The following CDK14 variants were observed in gnomAD, a reference collection of about 807,000 sequenced individuals.
CDK14 encodes cyclin dependent kinase 14.
Under a neutral mutation model 60.7 loss-of-function variants are expected in CDK14, and 34 were observed. The ratio of observed to expected loss-of-function variants is 0.56; its 90% CI spans 0.43 to 0.75. The LOEUF (loss-of-function observed/expected upper bound fraction) is 0.75. Ranked by LOEUF, CDK14 falls within the 30% of genes least tolerant of loss-of-function variation. The pLI, the probability that CDK14 is intolerant of heterozygous loss-of-function variation, is 0.00. For synonymous variants in CDK14, 197 were observed against 203.7 expected (o/e 0.97, Z 0.28); for missense variants, 482 against 564.1 (o/e 0.85, Z 1.47).
At chr7:91,066,756 G>A (rs555630905) in intron 11 of CDK14, among the ~76,000 whole-genome samples, 7 of 152,234 alleles carry the variant, frequency 4.6e-5, no homozygotes, top group Admixed American at 3.9e-4. Flanking sequence ...CAGTGCTTAC[G>A]TGCATGGCGG....
At chr7:91,125,976 G>A (rs1411005906) in intron 14 of CDK14, among the ~76,000 whole-genome samples, 3 of 152,102 alleles carry the variant, frequency 2.0e-5, no homozygotes, top group Admixed American at 6.6e-5. Flanking sequence ...AAAGATGTGT[G>A]ATTATAATGT....
At chr7:91,087,831 T>C (rs1168569199) in intron 12 of CDK14, among the ~76,000 whole-genome samples, 1 of 152,152 alleles carries the variant, frequency 6.6e-6, no homozygotes, top group Non-Finnish European at 1.5e-5. Context: ...TTTTAATGCT[T>C]GTTGTGTAAA....
At chr7:90,898,066 A>G (rs957136676) in intron 6 of CDK14, among the ~76,000 whole-genome samples, 6 of 152,020 alleles carry the variant, frequency 3.9e-5, no homozygotes, top group African/African-American at 1.2e-4. Flanking sequence ...TTCTCTACTC[A>G]TGTCTTACTT....
intron 10 of CDK14, among the ~76,000 whole-genome samples, chr7:91,024,823 T>C (rs1004888956): frequency 7.9e-5 from 12 of 152,168 alleles, no homozygotes; most frequent in African/African-American, 1.2e-4. Flanking sequence ...TATAGCTAAT[T>C]AGTTCAGCTA....
At chr7:90,715,491 C>T (rs1187307620) in intron 2 of CDK14, among the ~76,000 whole-genome samples, 4 of 151,930 alleles carry the variant, frequency 2.6e-5, no homozygotes, top group Admixed American at 2.0e-4. Flanking sequence ...CAGTCCCCTT[C>T]GCCAGCTTAG....
intron 1 of CDK14, among the ~76,000 whole-genome samples, 192 bp downstream of exon 1, chr7:90,596,910 A>G (rs111360070): frequency 1.2e-3 from 182 of 152,220 alleles, no homozygotes; most frequent in African/African-American, 4.1e-3. Flanking sequence ...CCTCTTCCTC[A>G]GGATCTGGGG....
chr7:90,930,989 CT>C (rs1584136879), intron 8 of CDK14, among the ~76,000 whole-genome samples: 2 of 152,082 alleles, frequency 1.3e-5, no homozygotes, highest in East Asian at 3.9e-4. Flanking sequence ...TCTTGTACAT[CT>C]TTTAAATAAC....
At chr7:90,720,053 T>G (rs1802389261) in intron 2 of CDK14, among the ~76,000 whole-genome samples, 1 of 152,342 alleles carries the variant, frequency 6.6e-6, no homozygotes, top group South Asian at 2.1e-4. Context: ...AAATCTTTAC[T>G]GGACTCTTCA....
chr7:91,118,228 C>A lies in CDK14; in HGVS notation c.*28+20C>A. On this transcript the variant is annotated intron_variant, in intron 14 of 14. Coordinates refer to ENST00000380050, the MANE Select transcript of CDK14 (RefSeq NM_001287135.2). ...ACACAGGTAAGAGGACCTGCTTTAC[C>A]TGGAAAGTAATATTTAATGGATATT... 1.8e-6 allele frequency: 2 copies of A among 1,113,204 alleles called. No individual in the cohort carries two copies. Among genetic ancestry groups the A allele is most frequent in the Non-Finnish European group, 2.7e-6 (2 of 740,862 alleles). 69.0% of individuals were successfully genotyped at this position (1,113,204 alleles called of 1,614,324 possible). A position where few individuals can be genotyped will look rare whatever the true frequency, so the allele number is the denominator to read the frequency against.
chr7:90,746,903 ATC>A, intron 3 of CDK14, among the ~76,000 whole-genome samples: 1 of 152,328 alleles, frequency 6.6e-6, no homozygotes, highest in African/African-American at 2.4e-5. Context: ...TCTTCTGATT[ATC>A]TGTTTGAATT....
intron 4 of CDK14, among the ~76,000 whole-genome samples, chr7:90,777,617 G>A (rs1805103604): frequency 6.6e-6 from 1 of 152,196 alleles, no homozygotes; most frequent in African/African-American, 2.4e-5. Flanking sequence ...CAAGGTTGAG[G>A]ACCTGTACCT....
chr7:90,617,023 G>T (rs1799664648), intron 2 of CDK14, among the ~76,000 whole-genome samples: 1 of 150,842 alleles, frequency 6.6e-6, no homozygotes, highest in Non-Finnish European at 1.5e-5. Flanking sequence ...AATTACATGT[G>T]TTTCATTGAA....
At position 90,722,041 on chromosome 7, in the gene CDK14, T is replaced by G. The variant is rs1231419828; in HGVS notation, c.124-4526T>G. 5.3e-5 allele frequency among the ~76,000 whole-genome samples: 8 copies of G among 152,092 alleles called. No homozygotes were observed. In the East Asian group the frequency reaches 1.5e-3, roughly 29 times the overall value. On this transcript the variant is annotated intron_variant, in intron 2 of 14. Transcript: ENST00000380050. ...CATTGCTAAGACCCAGGCTGCTCGC[T>G]TTTCTCTTCATGCACTCTGGATACT...
At chr7:90,731,341 A>G (rs114757427) in intron 3 of CDK14, among the ~76,000 whole-genome samples, 3 of 150,094 alleles carry the variant, frequency 2.0e-5, no homozygotes, top group Non-Finnish European at 4.5e-5. Context: ...TGCAGGCTCC[A>G]TATGAAATTT....
intron 11 of CDK14, among the ~76,000 whole-genome samples, chr7:91,058,318 G>T (rs1797654301): frequency 6.6e-6 from 1 of 152,076 alleles, no homozygotes; most frequent in African/African-American, 2.4e-5. Context: ...TGAGACGATG[G>T]GGTTTTCTAG....
chr7:90,604,647 C>G (rs550922482), intron 2 of CDK14, among the ~76,000 whole-genome samples: 1 of 152,092 alleles, frequency 6.6e-6, no homozygotes, highest in African/African-American at 2.4e-5. Flanking sequence ...GATGTGTTGT[C>G]GATGCCACAT....
rs66912750 is a variant in CDK14, at chr7:90,685,649, A to ATT, written c.124-40893_124-40892dup. 4.3e-3 allele frequency among the ~76,000 whole-genome samples: 434 copies of ATT among 101,670 alleles called. 9 individuals carry two copies. Among genetic ancestry groups the ATT allele is most frequent in the Middle Eastern group, 0.011 (2 of 178 alleles). The allele number at this position is 101,670 out of a possible 152,430, so 66.7% of individuals were successfully genotyped here. On this transcript the variant is annotated intron_variant, in intron 2 of 14. Coordinates refer to ENST00000380050, the MANE Select transcript of CDK14 (RefSeq NM_001287135.2). ...GCATGCCATCTTGCCCAGCCAATTA[A>ATT]TTTTTTTTTTTTTTTTTTTTTTTTT...
intron 2 of CDK14, among the ~76,000 whole-genome samples, chr7:90,685,728 C>G (rs1801420847): frequency 7.3e-6 from 1 of 136,722 alleles, no homozygotes; most frequent in African/African-American, 2.8e-5. Flanking sequence ...CTCCTGGCTT[C>G]AAGTGTGTGA....
chr7:90,605,799 A>G (rs1286400947), intron 2 of CDK14, among the ~76,000 whole-genome samples: 5 of 152,342 alleles, frequency 3.3e-5, no homozygotes. Context: ...TGATATGATA[A>G]CATTATATTT....
Sources: gnomAD v4.1 joint callset for allele counts (sites outside exome capture counted in the v4.1 genomes callset) on GRCh38, gnomAD v4.1.1 for gene constraint, MANE v1.5 for transcripts, NCBI Gene and HGNC (gene_info 2026-07-23, HGNC 2026-07-21) for gene names.